Variants in OTUB1 observed in about 807,000 individuals in gnomAD.
The protein encoded by OTUB1 is ubiquitin thioesterase OTUB1.
A neutral mutation model predicts 35.8 loss-of-function variants in OTUB1; 10 were observed. The ratio of observed to expected loss-of-function variants is 0.28; its 90% CI spans 0.17 to 0.47. The LOEUF is 0.47. Ranked by LOEUF, OTUB1 falls within the 20% of genes least tolerant of loss-of-function variation. The probability of loss-of-function intolerance (pLI) is 0.99; values close to 1 mark genes in which losing one functional copy is unlikely to be tolerated. For synonymous variants in OTUB1, 158 were observed against 143.8 expected, an observed-to-expected ratio of 1.10 and a Z score of -0.71; for missense variants, 264 against 351.6, an observed-to-expected ratio of 0.75 and a Z score of 1.99.
chr11:63,994,688 C>T lies in OTUB1; in HGVS notation c.220-1842C>T, dbSNP rs1019333682. Among the ~76,000 whole-genome samples the T allele has an allele frequency of 9.8e-5, 15 of 152,294 alleles. No individual in the cohort carries two copies. The East Asian group carries it at 1.7e-3, about 18-fold the overall frequency. On this transcript the variant is annotated intron_variant, in intron 3 of 6. Coordinates refer to ENST00000538426, the MANE Select transcript of OTUB1 (RefSeq NM_017670.3). Reference sequence around the variant, plus strand: ...GAGGAAGACAAGGAGAGGGTGGGGGCGCCAGCCCAGGGAAGGAGGCATCTA... The same window carrying T: ...GAGGAAGACAAGGAGAGGGTGGGGGTGCCAGCCCAGGGAAGGAGGCATCTA...
intron 3 of OTUB1, among the ~76,000 whole-genome samples, chr11:63,995,889 C>G (rs1297128059): frequency 6.6e-6 from 1 of 152,034 alleles, no homozygotes; most frequent in Non-Finnish European, 1.5e-5. Context: ...CACCTGTAAT[C>G]CCAGCTACTT....
In OTUB1 at chr11:63,997,747, G is replaced by C; in HGVS notation, c.*201G>C. 1 of 703,156 alleles carries C rather than the reference G, an allele frequency of 1.4e-6. No homozygotes were observed. Among genetic ancestry groups the C allele is most frequent in the Non-Finnish European group, 2.6e-6 (1 of 386,510 alleles). 43.6% of individuals were successfully genotyped at this position (703,156 alleles called of 1,614,324 possible). ...GCTCTGCTGCCCGCCTGGCTGCTCT[G>C]TCTGCTGCCCCCTCCCCCCAGGTGG... is the stretch of plus-strand genomic sequence containing the variant. On this transcript the variant is annotated 3_prime_UTR_variant, in exon 7 of 7. Transcript: ENST00000538426.
chr11:63,994,912 C>A (rs980775512), intron 3 of OTUB1, among the ~76,000 whole-genome samples: 1 of 152,174 alleles, frequency 6.6e-6, no homozygotes, highest in African/African-American at 2.4e-5. Flanking sequence ...TGAAGGGTAG[C>A]CAGACAGAAA....
chr11:63,986,797 C>T (rs958487477), intron 1 of OTUB1: 6 of 407,200 alleles, frequency 1.5e-5, no homozygotes, highest in African/African-American at 1.2e-4. Context: ...TCTGCCCAAC[C>T]CCTCGGCTCC....
At chr11:63,987,472 G>A (rs1942631824) in intron 1 of OTUB1, among the ~76,000 whole-genome samples, 1 of 152,196 alleles carries the variant, frequency 6.6e-6, no homozygotes, top group Admixed American at 6.5e-5. Context: ...CCAGCTGGCT[G>A]ATAATCCTAG....
intron 3 of OTUB1, among the ~76,000 whole-genome samples, chr11:63,994,167 T>A (rs754134946): frequency 6.6e-6 from 1 of 151,856 alleles, no homozygotes; most frequent in African/African-American, 2.4e-5. Context: ...GTCCCAGGCC[T>A]GAGCAGGGCG....
At chr11:63,990,583 C>CA (rs1942662013) in intron 3 of OTUB1, 5 of 97,612 alleles carry the variant, frequency 5.1e-5, no homozygotes, top group African/African-American at 3.5e-4. Flanking sequence ...AGACCTGTCT[C>CA]TTAAAAAAAT....
chr11:63,997,129 C>G lies in OTUB1; in HGVS notation c.503C>G (p.Ser168Cys). 6.2e-7 allele frequency: 1 copy of G among 1,614,234 alleles called. No individual in the cohort carries two copies. The highest frequency in any genetic ancestry group is 8.5e-7 in the Non-Finnish European group (1 of 1,180,036). Residue 168 changes from serine to cysteine, a missense_variant, in exon 6 of 7, where the codon TCC (serine) becomes TGC (cysteine). By Grantham distance (112) the Ser-to-Cys change is moderately radical (BLOSUM62 -1). Coordinates refer to ENST00000538426, the MANE Select transcript of OTUB1 (RefSeq NM_017670.3). ...LLASFNDQST[S>C]DYLVVYLRLL... ...GCCTCCTTCAATGACCAGAGCACCT[C>G]CGACTACCTTGTGGTCTACCTGCGG...
At chr11:63,988,577 T>G in intron 2 of OTUB1, 77 bp from the exon 3 acceptor site, 1 of 1,298,268 alleles carries the variant, frequency 7.7e-7, no homozygotes, top group Non-Finnish European at 1.1e-6. Context: ...GCCCAGCTCT[T>G]TTGTAGTTAT....
In OTUB1 at chr11:63,997,949, G is replaced by C; in HGVS notation, c.*403G>C. 1 of 594,828 alleles carries C rather than the reference G, an allele frequency of 1.7e-6. No individual in the cohort carries two copies. The highest frequency in any genetic ancestry group is 3.0e-6 in the Non-Finnish European group (1 of 334,124). The allele number at this position is 594,828 out of a possible 1,614,324, so 36.8% of individuals were successfully genotyped here. On this transcript the variant is annotated 3_prime_UTR_variant, in exon 7 of 7. Coordinates refer to ENST00000538426, the MANE Select transcript of OTUB1 (RefSeq NM_017670.3). ...CCTTAGGGACTTGCCCAGGGTCCCA[G>C]GGCCACCCACACTTCATCTGCTCCC...
chr11:63,986,725 GCCAAGGC>G, intron 1 of OTUB1: 1 of 540,014 alleles, frequency 1.9e-6, no homozygotes, highest in Admixed American at 3.6e-5. Context: ...GGCGAGGCGG[GCCAAGGC>G]CCGCGGCCCT....
intron 3 of OTUB1, chr11:63,989,448 C>G (rs887665788): frequency 1.3e-5 from 2 of 151,930 alleles, no homozygotes; most frequent in Non-Finnish European, 2.9e-5. Context: ...ATCTTCTGGC[C>G]GGGCACGGTG....
intron 4 of OTUB1, 45 bp downstream of exon 4, chr11:63,996,693 C>CGGGCAGG (rs1942720720): frequency 6.2e-7 from 1 of 1,613,824 alleles, no homozygotes; most frequent in Admixed American, 1.7e-5. Context: ...GGGTGTCTAC[C>CGGGCAGG]TCCTCCCCGG....
At chr11:63,991,669 T>C (rs576548) in intron 3 of OTUB1, among the ~76,000 whole-genome samples, 3,105 of 152,278 alleles carry the variant, frequency 0.02, 107 homozygotes, top group African/African-American at 0.069. Context: ...GAGAGTGTGC[T>C]CACAATGGCC....
intron 2 of OTUB1, 97 bp from the exon 3 acceptor site, chr11:63,988,557 C>G (rs543774091): frequency 2.4e-6 from 3 of 1,247,874 alleles, no homozygotes; most frequent in African/African-American, 2.9e-5. Context: ...GCTGTGCCAC[C>G]GGGTGACCAG....
At chr11:63,996,483 C>T in intron 3 of OTUB1, 47 bp from the exon 4 acceptor site, 1 of 1,593,088 alleles carries the variant, frequency 6.3e-7, no homozygotes, top group Admixed American at 1.8e-5. Flanking sequence ...TGGCCAGCCC[C>T]CGTTCTGGCC....
intron 3 of OTUB1, among the ~76,000 whole-genome samples, chr11:63,995,908 G>A (rs888549980): frequency 8.5e-5 from 13 of 152,158 alleles, no homozygotes; most frequent in Non-Finnish European, 1.6e-4. Context: ...TTGGGAGGCT[G>A]AGGCAGGGGA....
At chr11:63,990,225 T>C (rs1942658904) in intron 3 of OTUB1, 1 of 151,852 alleles carries the variant, frequency 6.6e-6, no homozygotes, top group Non-Finnish European at 1.5e-5. Flanking sequence ...GGGCCACAGA[T>C]TTCCTCAAAG....
intron 3 of OTUB1, chr11:63,990,597 A>T (rs512318): frequency 0.13 from 18,471 of 144,642 alleles, 2,111 homozygotes; most frequent in African/African-American, 0.3. Context: ...AAAAAATAAA[A>T]AAATAAATAA....
Sources: allele counts gnomAD v4.1 joint callset (sites outside exome capture counted in the v4.1 genomes callset), GRCh38; gene constraint gnomAD v4.1.1; transcripts MANE v1.5; gene names NCBI Gene and HGNC (gene_info 2026-07-23, HGNC 2026-07-21).